Variants in PRAC2 observed in about 807,000 individuals in gnomAD.
PRAC2 encodes the protein protein PRAC2.
For synonymous variants in PRAC2, 43 were observed against 49.5 expected (o/e 0.87, Z 0.55); for missense variants, 92 against 114.5 (o/e 0.80, Z 0.90).
upstream of PRAC2, chr17:48,721,894 T>A (rs1322539539): frequency 2.4e-5 from 37 of 1,514,566 alleles, no homozygotes; most frequent in Non-Finnish European, 3.0e-5. Flanking sequence ...TCAAAGTAGA[T>A]GTTTTCTAAA....
At chr17:48,722,428 A>C, upstream of PRAC2, 1 of 1,593,560 alleles carries the variant, frequency 6.3e-7, no homozygotes, top group Admixed American at 1.7e-5. Flanking sequence ...ACCAGAATCC[A>C]GCTTGCCTGA....
rs2038185588 is a variant in PRAC2 at position 48,724,601 on chromosome 17, G to A, written c.191G>A (p.Ser64Asn). ...HRVLDPHTQL[S>N]THEAPGRWKP... ...GTCCTGGACCCCCACACGCAGCTCA[G>A]TACCCACGAGGCCCCAGGCCGCTGG... Residue 64 changes from serine (S) to asparagine (N), a missense_variant, in exon 2 of 2, where the codon AGT becomes AAT. Physicochemically the swap from Ser to Asn is conservative, Grantham distance 46. Transcript: ENST00000422730. 2.4e-6 allele frequency: 3 copies of A among 1,232,042 alleles called. No homozygotes were observed. The highest frequency in any genetic ancestry group is 8.4e-5 in the Admixed American group (2 of 23,700). The allele number at this position is 1,232,042 out of a possible 1,614,324, so 76.3% of individuals were successfully genotyped here.
At position 48,724,622 on chromosome 17, in the gene PRAC2, G is replaced by C; in HGVS notation, c.212G>C (p.Arg71Pro). ...CTCAGTACCCACGAGGCCCCAGGCCGCTGGAAGCCTGTAGCTCCGCGGACG... is the reference window on the plus strand; with the variant it reads ...CTCAGTACCCACGAGGCCCCAGGCCCCTGGAAGCCTGTAGCTCCGCGGACG... Reference protein sequence around the residue: ...TQLSTHEAPGRWKPVAPRTMK... With the variant: ...TQLSTHEAPGPWKPVAPRTMK... Residue 71 changes from arginine to proline, a missense_variant, in exon 2 of 2, where the codon CGC (arginine) becomes CCC (proline). Transcript: ENST00000422730. 6.5e-6 allele frequency: 8 copies of C among 1,232,196 alleles called. No homozygotes were observed. Among genetic ancestry groups the C allele is most frequent in the Non-Finnish European group, 8.1e-6 (8 of 987,992 alleles). The allele number at this position is 1,232,196 out of a possible 1,614,324, so 76.3% of individuals were successfully genotyped here. A position where few individuals can be genotyped will look rare whatever the true frequency, so the allele number is the denominator to read the frequency against.
At chr17:48,720,809 C>A (rs570288271), upstream of PRAC2, among the ~76,000 whole-genome samples, 1 of 152,266 alleles carries the variant, frequency 6.6e-6, no homozygotes, top group East Asian at 1.9e-4. Context: ...CCTGTGTGAT[C>A]TCAGCTGGGT....
chr17:48,720,333 C>A (rs2038133034), upstream of PRAC2, among the ~76,000 whole-genome samples: 1 of 152,240 alleles, frequency 6.6e-6, no homozygotes, highest in South Asian at 2.1e-4. Flanking sequence ...TAAGGATCCG[C>A]ACCGTCCTTC....
chr17:48,722,565 G>C, upstream of PRAC2: 1 of 608,174 alleles, frequency 1.6e-6, no homozygotes, highest in Admixed American at 2.7e-5. Context: ...AGTCTGGGGC[G>C]GGGCTCAGTA....
At chr17:48,723,561 T>C in intron 1 of PRAC2, 1 of 507,862 alleles carries the variant, frequency 2.0e-6, no homozygotes, top group Non-Finnish European at 3.1e-6. Flanking sequence ...GGCTTTTTCC[T>C]GCTTCGAGGG....
intron 1 of PRAC2, chr17:48,723,729 C>T: frequency 8.1e-7 from 1 of 1,231,790 alleles, no homozygotes; most frequent in South Asian, 4.1e-5. Flanking sequence ...TCGCGCTCTG[C>T]GTTGCGGGTG....
upstream of PRAC2, among the ~76,000 whole-genome samples, chr17:48,719,212 AACACAC>A (rs3060082): frequency 0.27 from 38,210 of 141,050 alleles, 4,860 homozygotes; most frequent in Middle Eastern, 0.32. Flanking sequence ...CTCGCACACA[AACACAC>A]ACACACACAC....
upstream of PRAC2, chr17:48,722,542 C>A: frequency 1.5e-6 from 1 of 681,714 alleles, no homozygotes; most frequent in Non-Finnish European, 2.6e-6. Context: ...ACTGGGTGCC[C>A]CTCTCCCTGT....
chr17:48,720,233 C>G (rs1489392626), upstream of PRAC2, among the ~76,000 whole-genome samples: 1 of 152,204 alleles, frequency 6.6e-6, no homozygotes, highest in East Asian at 1.9e-4. Context: ...GGCAAGGGGA[C>G]GTCTGATTAC....
upstream of PRAC2, chr17:48,721,870 G>A (rs542888991): frequency 1.6e-5 from 25 of 1,534,604 alleles, no homozygotes; most frequent in African/African-American, 1.9e-4. Flanking sequence ...TCCTGGTCTC[G>A]CCCAGTAGAT....
intron 1 of PRAC2, 102 bp downstream of exon 1, chr17:48,723,415 CA>C (rs1462877849): frequency 3.1e-6 from 1 of 320,016 alleles, no homozygotes; most frequent in Non-Finnish European, 5.6e-6. Context: ...GAAGGAAACC[CA>C]ATTAGAGTGC....
rs1313907665 is a variant in PRAC2 at position 48,724,606 on chromosome 17, C to T, written c.196C>T (p.His66Tyr). Reference protein sequence around the residue: ...VLDPHTQLSTHEAPGRWKPVA... With the variant: ...VLDPHTQLSTYEAPGRWKPVA... ...GGACCCCCACACGCAGCTCAGTACC[C>T]ACGAGGCCCCAGGCCGCTGGAAGCC... is the stretch of plus-strand genomic sequence containing the variant. Residue 66 changes from histidine (H) to tyrosine (Y), a missense_variant, in exon 2 of 2, where the codon CAC (histidine) becomes TAC (tyrosine). Coordinates refer to ENST00000422730, the MANE Select transcript of PRAC2 (RefSeq NM_001282275.2). 4.9e-6 allele frequency: 6 copies of T among 1,232,088 alleles called. No individual in the cohort carries two copies. The highest frequency in any genetic ancestry group is 5.1e-6 in the Non-Finnish European group (5 of 988,006). The allele number at this position is 1,232,088 out of a possible 1,614,324, so 76.3% of individuals were successfully genotyped here. A position where few individuals can be genotyped will look rare whatever the true frequency, so the allele number is the denominator to read the frequency against.
At chr17:48,721,652 T>G (rs971900713), upstream of PRAC2, 9 of 750,420 alleles carry the variant, frequency 1.2e-5, no homozygotes, top group South Asian at 3.8e-4. Flanking sequence ...GGCCCAGAGC[T>G]TTTGCCTTAA....
upstream of PRAC2, among the ~76,000 whole-genome samples, chr17:48,722,113 A>C (rs78731865): frequency 2.0e-5 from 3 of 151,960 alleles, no homozygotes; most frequent in Admixed American, 2.0e-4. Flanking sequence ...CTTTCTGCCC[A>C]GGGCGGCTGC....
chr17:48,721,216 G>A (rs755279380), upstream of PRAC2, among the ~76,000 whole-genome samples: 20 of 152,162 alleles, frequency 1.3e-4, no homozygotes, highest in Non-Finnish European at 2.4e-4. Context: ...GCCCCTGTGC[G>A]CACACATGCC....
At chr17:48,721,600 C>T (rs2038145198), upstream of PRAC2, 2 of 418,864 alleles carry the variant, frequency 4.8e-6, no homozygotes, top group Non-Finnish European at 8.1e-6. Context: ...GCTGGGATTA[C>T]AGCCATGAGC....
chr17:48,719,265 G>T (rs892701966), upstream of PRAC2, among the ~76,000 whole-genome samples: 1 of 151,230 alleles, frequency 6.6e-6, no homozygotes, highest in Non-Finnish European at 1.5e-5. Context: ...CACTACTACC[G>T]TCTGAGCAGG....
Sources: allele counts gnomAD v4.1 joint callset (sites outside exome capture counted in the v4.1 genomes callset), GRCh38; gene constraint gnomAD v4.1.1; transcripts MANE v1.5; gene names NCBI Gene and HGNC (gene_info 2026-07-23, HGNC 2026-07-21).